MED13L: variants seen among roughly 807,000 people sequenced by gnomAD.
MED13L encodes mediator complex subunit 13L.
In MED13L, 7 loss-of-function variants were observed where a neutral mutation model predicts 220.9. The observed-to-expected ratio is 0.03, with a 90% CI of 0.02 to 0.06. MED13L has a LOEUF of 0.06. Ranked by LOEUF, MED13L falls within the 10% of genes least tolerant of loss-of-function variation. MED13L has a pLI of 1.00. For missense variants in MED13L, 1,965 were observed against 2,760.5 expected (o/e 0.71, Z 6.46); for synonymous variants, 1,011 against 1,015.2 (o/e 1.00, Z 0.08).
intron 17 of MED13L, among the ~76,000 whole-genome samples, chr12:115,990,025 C>G (rs1565996421): frequency 1.3e-5 from 2 of 152,196 alleles, no homozygotes; most frequent in Non-Finnish European, 2.9e-5. Context: ...CAGGAAGACC[C>G]AACCCCTAGC....
At chr12:116,263,717 G>A (rs1377756643) in intron 1 of MED13L, among the ~76,000 whole-genome samples, 2 of 152,134 alleles carry the variant, frequency 1.3e-5, no homozygotes, top group African/African-American at 4.8e-5. Flanking sequence ...TATATCCCAA[G>A]GCTCTAAAAT....
At chr12:116,001,632 A>G (rs1878748211) in intron 14 of MED13L, among the ~76,000 whole-genome samples, 1 of 152,210 alleles carries the variant, frequency 6.6e-6, no homozygotes. Flanking sequence ...CCACAAATAC[A>G]TATGCTCTCA....
chr12:116,097,610 T>C (rs1021942967), intron 3 of MED13L, among the ~76,000 whole-genome samples: 2 of 152,236 alleles, frequency 1.3e-5, no homozygotes, highest in African/African-American at 4.8e-5. Flanking sequence ...AGGACTTGAT[T>C]ATGGCTTTGC....
chr12:116,097,155 GTTT>G (rs571971505), intron 3 of MED13L, among the ~76,000 whole-genome samples: 3 of 146,850 alleles, frequency 2.0e-5, no homozygotes, highest in Non-Finnish European at 4.5e-5. Context: ...CATCTTTCAA[GTTT>G]TTTTTTTTTG....
chr12:116,091,835 T>C (rs534011913), intron 4 of MED13L, among the ~76,000 whole-genome samples: 1 of 152,352 alleles, frequency 6.6e-6, no homozygotes, highest in African/African-American at 2.4e-5. Context: ...TAAAATTCCA[T>C]GGTTCTGGTA....
chr12:116,070,212 G>A (rs1046100398), intron 4 of MED13L, among the ~76,000 whole-genome samples: 1 of 152,184 alleles, frequency 6.6e-6, no homozygotes, highest in African/African-American at 2.4e-5. Flanking sequence ...ACATTTTGGA[G>A]GCTGAAAGTC....
At chr12:116,003,905 G>C (rs751001887) in intron 13 of MED13L, among the ~76,000 whole-genome samples, 1 of 152,082 alleles carries the variant, frequency 6.6e-6, no homozygotes. Flanking sequence ...AAGGTAAACC[G>C]CTCATGTGAT....
At chr12:116,185,085 T>A (rs1288294162) in intron 2 of MED13L, among the ~76,000 whole-genome samples, 2 of 152,212 alleles carry the variant, frequency 1.3e-5, no homozygotes, top group Admixed American at 6.5e-5. Context: ...ATCCAAGATG[T>A]ACACCAAGAA....
intron 2 of MED13L, among the ~76,000 whole-genome samples, chr12:116,159,919 G>A (rs1396608437): frequency 6.6e-6 from 1 of 150,528 alleles, no homozygotes; most frequent in Admixed American, 6.6e-5. Flanking sequence ...GCTAACTAAT[G>A]TGGTCCCAAT....
intron 9 of MED13L, among the ~76,000 whole-genome samples, chr12:116,010,035 T>C (rs1879297960): frequency 1.3e-5 from 2 of 152,290 alleles, no homozygotes; most frequent in Admixed American, 6.5e-5. Flanking sequence ...TACTGCTGCA[T>C]TGCCCTAAAT....
chr12:115,961,307 C>T lies in MED13L; in HGVS notation c.6592G>A (p.Val2198Met), dbSNP rs1479014847. ...RTSCLPVHFV[V>M]LTQLYNAIMN... is the part of the protein sequence containing the mutation. ...ATGGCATTGTACAACTGAGTGAGCACCACAAAGTGGACGGGAAGGCAGGAA... is the reference window on the plus strand; with the variant it reads ...ATGGCATTGTACAACTGAGTGAGCATCACAAAGTGGACGGGAAGGCAGGAA... Residue 2198 changes from valine (V) to methionine (M), a missense_variant, in exon 31 of 31, where the codon GTG becomes ATG. Coordinates refer to ENST00000281928, the MANE Select transcript of MED13L (RefSeq NM_015335.5). 3 of 1,614,140 alleles carry T rather than the reference C, an allele frequency of 1.9e-6. No homozygotes were observed. Among genetic ancestry groups the T allele is most frequent in the Non-Finnish European group, 2.5e-6 (3 of 1,180,010 alleles).
At chr12:116,275,019 T>G (rs553091570) in intron 1 of MED13L, among the ~76,000 whole-genome samples, 5 of 150,610 alleles carry the variant, frequency 3.3e-5, no homozygotes, top group Middle Eastern at 3.4e-3. Flanking sequence ...ATAAAAGAAA[T>G]GATATACCCT....
intron 3 of MED13L, among the ~76,000 whole-genome samples, chr12:116,105,142 T>A (rs1253999158): frequency 6.6e-6 from 1 of 152,244 alleles, no homozygotes; most frequent in Admixed American, 6.5e-5. Flanking sequence ...TTGCAGATTT[T>A]TTTTCCCATC....
At chr12:116,224,662 T>G (rs1333672471) in intron 2 of MED13L, among the ~76,000 whole-genome samples, 1 of 152,004 alleles carries the variant, frequency 6.6e-6, no homozygotes, top group African/African-American at 2.4e-5. Flanking sequence ...TTGGGGTTTG[T>G]TGTTTGTTGT....
At chr12:116,019,659 G>A in intron 6 of MED13L, 119 bp downstream of exon 6, 1 of 1,279,108 alleles carries the variant, frequency 7.8e-7, no homozygotes, top group African/African-American at 1.5e-5. Context: ...ATTGTGTCAA[G>A]AGAATTTCTT....
At chr12:115,965,519 G>A (rs1022905627) in intron 29 of MED13L, among the ~76,000 whole-genome samples, 2 of 152,206 alleles carry the variant, frequency 1.3e-5, no homozygotes, top group South Asian at 4.1e-4. Flanking sequence ...CAATCTGTGG[G>A]CAAGAGATGG....
intron 16 of MED13L, among the ~76,000 whole-genome samples, chr12:115,995,326 C>T (rs1878330748): frequency 6.6e-6 from 1 of 152,196 alleles, no homozygotes; most frequent in Non-Finnish European, 1.5e-5. Flanking sequence ...TACCTGACCA[C>T]AGCAGAAATC....
At chr12:115,990,380 G>C (rs1380763306) in intron 17 of MED13L, among the ~76,000 whole-genome samples, 1 of 152,232 alleles carries the variant, frequency 6.6e-6, no homozygotes, top group Non-Finnish European at 1.5e-5. Context: ...GAAAGTCCAT[G>C]AGGGTAAGTG....
At chr12:116,031,465 G>A (rs972670605) in intron 4 of MED13L, among the ~76,000 whole-genome samples, 10 of 150,964 alleles carry the variant, frequency 6.6e-5, no homozygotes, top group Non-Finnish European at 1.0e-4. Context: ...GGTGGCGGGC[G>A]CCTGTGGTCC....
Sources: gnomAD v4.1 joint callset for allele counts (sites outside exome capture counted in the v4.1 genomes callset) on GRCh38, gnomAD v4.1.1 for gene constraint, MANE v1.5 for transcripts, NCBI Gene and HGNC (gene_info 2026-07-23, HGNC 2026-07-21) for gene names.